RAD51B: variants seen among roughly 807,000 people sequenced by gnomAD.
RAD51B encodes the protein DNA repair protein RAD51 homolog 2.
Under a neutral mutation model 42.2 loss-of-function variants are expected in RAD51B, and 38 were observed. That is an observed-to-expected ratio of 0.90 (90% CI 0.70 to 1.18). RAD51B has a LOEUF of 1.18. Among genes scored for constraint, RAD51B ranks in the 50% most tolerant of loss-of-function variants. The pLI is 0.00. For synonymous variants in RAD51B, 154 were observed against 145.2 expected (o/e 1.06, Z -0.43); for missense variants, 373 against 400.7 (o/e 0.93, Z 0.59).
At chr14:67,986,737 A>G (rs952609472) in intron 7 of RAD51B, among the ~76,000 whole-genome samples, 1 of 151,928 alleles carries the variant, frequency 6.6e-6, no homozygotes, top group Non-Finnish European at 1.5e-5. Flanking sequence ...GCTTCTATCT[A>G]TGGTTTTTTT....
intron 7 of RAD51B, among the ~76,000 whole-genome samples, chr14:68,169,005 C>T (rs931668884): frequency 1.3e-5 from 2 of 152,174 alleles, no homozygotes; most frequent in Non-Finnish European, 2.9e-5. Flanking sequence ...TCCATCAGAG[C>T]AGTTTATTCC....
intron 9 of RAD51B, among the ~76,000 whole-genome samples, chr14:68,435,479 C>T (rs2085122495): frequency 6.9e-6 from 1 of 145,374 alleles, no homozygotes; most frequent in Non-Finnish European, 1.5e-5. Context: ...CATCTAAGTA[C>T]ATGTGGTTTT....
chr14:68,400,710 G>C (rs1413742170), intron 8 of RAD51B, among the ~76,000 whole-genome samples: 1 of 152,212 alleles, frequency 6.6e-6, no homozygotes, highest in East Asian at 1.9e-4. Context: ...GGCTTGTCTT[G>C]AATGAAGCTA....
chr14:68,374,625 C>T (rs1386749250), intron 8 of RAD51B, among the ~76,000 whole-genome samples: 1 of 151,838 alleles, frequency 6.6e-6, no homozygotes, highest in Admixed American at 6.6e-5. Flanking sequence ...TTATAGCTTT[C>T]CATAAATCTG....
At chr14:68,457,131 T>C (rs992009198) in intron 9 of RAD51B, among the ~76,000 whole-genome samples, 2 of 151,892 alleles carry the variant, frequency 1.3e-5, no homozygotes, top group Non-Finnish European at 1.5e-5. Context: ...CAGGGTGGTC[T>C]TGAACTCCTG....
chr14:68,595,187 A>G (rs2140085331), exon 11 of RAD51B: 1 of 1,064,400 alleles, frequency 9.4e-7, no homozygotes, highest in African/African-American at 1.6e-5. Flanking sequence ...AATGGAGCAG[A>G]ACACTTACAT....
At chr14:68,008,849 T>C (rs912974415) in intron 7 of RAD51B, among the ~76,000 whole-genome samples, 1 of 150,990 alleles carries the variant, frequency 6.6e-6, no homozygotes, top group Non-Finnish European at 1.5e-5. Flanking sequence ...TACATCTGTG[T>C]AGTGATAACT....
At chr14:68,061,694 C>G (rs1327210015) in intron 7 of RAD51B, among the ~76,000 whole-genome samples, 1 of 151,610 alleles carries the variant, frequency 6.6e-6, no homozygotes, top group Non-Finnish European at 1.5e-5. Flanking sequence ...TCTTTTTCAG[C>G]TAGTTTGTTA....
intron 9 of RAD51B, among the ~76,000 whole-genome samples, chr14:68,427,857 C>CA (rs1326342859): frequency 6.6e-6 from 1 of 152,018 alleles, no homozygotes; most frequent in Non-Finnish European, 1.5e-5. Flanking sequence ...GAACATGTCC[C>CA]AAAAAATACA....
intron 8 of RAD51B, among the ~76,000 whole-genome samples, chr14:68,380,459 C>T (rs955839113): frequency 6.6e-6 from 1 of 152,140 alleles, no homozygotes; most frequent in Non-Finnish European, 1.5e-5. Flanking sequence ...TTAATATACA[C>T]CTATGTTTTC....
In RAD51B at chr14:68,329,714, G is replaced by T. The variant is rs904281534; in HGVS notation, c.853+37734G>T. ...AATATTTTTTGGGCCGGGCCCGGTG[G>T]CTCACGCCTATAATCCCAGCACTTT... On this transcript the variant is annotated intron_variant, in intron 8 of 10. Coordinates refer to ENST00000471583, the MANE Select transcript of RAD51B (RefSeq NM_133510.4). Among the ~76,000 whole-genome samples the T allele has an allele frequency of 4.6e-5, 7 of 152,236 alleles. 1 individual carries two copies. The highest frequency in any genetic ancestry group is 4.2e-4 in the South Asian group (2 of 4,818).
intron 8 of RAD51B, among the ~76,000 whole-genome samples, chr14:68,405,412 C>T (rs959713359): frequency 3.9e-5 from 6 of 152,072 alleles, no homozygotes; most frequent in African/African-American, 9.7e-5. Context: ...CTACTGCATT[C>T]CAGCCTGGGC....
chr14:68,554,560 C>A (rs1354316941), intron 10 of RAD51B, among the ~76,000 whole-genome samples: 1 of 152,192 alleles, frequency 6.6e-6, no homozygotes, highest in East Asian at 1.9e-4. Context: ...GGCTCCTCTA[C>A]CTTAATGGCA....
chr14:68,260,462 C>A (rs2080866079), intron 7 of RAD51B, among the ~76,000 whole-genome samples: 3 of 151,872 alleles, frequency 2.0e-5, no homozygotes, highest in Admixed American at 6.6e-5. Context: ...GATGCAGGAG[C>A]CTTCAGAAAT....
intron 7 of RAD51B, among the ~76,000 whole-genome samples, chr14:68,140,418 T>C (rs1312642133): frequency 1.3e-5 from 2 of 152,236 alleles, no homozygotes; most frequent in Non-Finnish European, 2.9e-5. Flanking sequence ...ATGCTGCTGA[T>C]GTCATGGAAA....
intron 10 of RAD51B, among the ~76,000 whole-genome samples, chr14:68,545,957 C>A (rs1888212932): frequency 6.6e-6 from 1 of 152,170 alleles, no homozygotes; most frequent in Non-Finnish European, 1.5e-5. Flanking sequence ...ATTTCCTACC[C>A]TGCAACTTAG....
intron 10 of RAD51B, chr14:68,497,136 C>G: frequency 7.2e-7 from 1 of 1,396,618 alleles, no homozygotes; most frequent in Non-Finnish European, 9.6e-7. Flanking sequence ...TATGGAAATT[C>G]CTAGAGACAG....
intron 8 of RAD51B, among the ~76,000 whole-genome samples, chr14:68,395,180 T>C (rs556734366): frequency 6.6e-6 from 1 of 152,304 alleles, no homozygotes; most frequent in African/African-American, 2.4e-5. Flanking sequence ...CCGCCTCCCC[T>C]TCTTCTGTGC....
chr14:68,360,983 G>A (rs942629541), intron 8 of RAD51B, among the ~76,000 whole-genome samples: 1 of 152,206 alleles, frequency 6.6e-6, no homozygotes, highest in African/African-American at 2.4e-5. Context: ...GGACCCCTCT[G>A]AAATGAAGGG....
Sources: gnomAD v4.1 joint callset for allele counts (sites outside exome capture counted in the v4.1 genomes callset) on GRCh38, gnomAD v4.1.1 for gene constraint, MANE v1.5 for transcripts, NCBI Gene and HGNC (gene_info 2026-07-23, HGNC 2026-07-21) for gene names.